TGFBRAP1: variants seen among roughly 807,000 people sequenced by gnomAD.
The protein encoded by TGFBRAP1 is transforming growth factor beta receptor associated protein 1.
Under a neutral mutation model 83.2 loss-of-function variants are expected in TGFBRAP1, and 20 were observed. That is an observed-to-expected ratio of 0.24 (90% CI 0.17 to 0.35). The LOEUF (loss-of-function observed/expected upper bound fraction) is 0.35. Among genes scored for constraint, TGFBRAP1 ranks in the 10% least tolerant of loss-of-function variants. The probability of loss-of-function intolerance (pLI) is 1.00; values close to 1 mark genes in which losing one functional copy is unlikely to be tolerated. For synonymous variants in TGFBRAP1, 415 were observed against 459.8 expected, an observed-to-expected ratio of 0.90 and a Z score of 1.25; for missense variants, 950 against 1,099.4, an observed-to-expected ratio of 0.86 and a Z score of 1.92.
intron 1 of TGFBRAP1, among the ~76,000 whole-genome samples, chr2:105,312,900 T>G (rs1023251726): frequency 2.0e-5 from 3 of 152,118 alleles, no homozygotes; most frequent in African/African-American, 7.2e-5. Context: ...CCACCTGAGG[T>G]CAGGAGTTCG....
At chr2:105,314,864 C>T (rs905476450) in intron 1 of TGFBRAP1, among the ~76,000 whole-genome samples, 2 of 150,308 alleles carry the variant, frequency 1.3e-5, no homozygotes, top group Non-Finnish European at 3.0e-5. Flanking sequence ...GCAGGAGAAT[C>T]GCTTGGACCC....
At chr2:105,328,898 T>A (rs1167165018) in intron 1 of TGFBRAP1, among the ~76,000 whole-genome samples, 1 of 152,156 alleles carries the variant, frequency 6.6e-6, no homozygotes, top group Non-Finnish European at 1.5e-5. Context: ...ACAGCTTCCG[T>A]GTTTAAGGAT....
Position 105,296,280 on chromosome 2 carries a change from A to G in TGFBRAP1, c.1038+76T>C, listed in dbSNP as rs116514566. On this transcript the variant is annotated intron_variant, in intron 4 of 11. Coordinates refer to ENST00000393359, the MANE Select transcript of TGFBRAP1 (RefSeq NM_004257.6). ...ACAGCCCGGTACACAGGAAGGGCCG[A>G]TGCATGTTAGTTAAATCTGAATGTC... is the stretch of plus-strand genomic sequence containing the variant. 4.0e-4 allele frequency: 634 copies of G among 1,569,802 alleles called. 4 individuals are homozygous for G. In the African/African-American group the frequency reaches 8.1e-3, roughly 20 times the overall value.
At chr2:105,311,771 T>C (rs979985903) in intron 1 of TGFBRAP1, among the ~76,000 whole-genome samples, 7 of 151,852 alleles carry the variant, frequency 4.6e-5, no homozygotes, top group African/African-American at 1.5e-4. Flanking sequence ...TAGCCAGGCA[T>C]GGTGGCGGGC....
At chr2:105,326,534 A>G (rs1558659624) in intron 1 of TGFBRAP1, among the ~76,000 whole-genome samples, 1 of 152,200 alleles carries the variant, frequency 6.6e-6, no homozygotes, top group South Asian at 2.1e-4. Flanking sequence ...CCTGGGCAAC[A>G]TGGTGAAACT....
At position 105,269,644 on chromosome 2, in the gene TGFBRAP1, C is replaced by T. The variant is rs1413133763; in HGVS notation, c.2034G>A (p.Glu678=). 1 of 1,592,338 alleles carries T rather than the reference C, an allele frequency of 6.3e-7. No individual in the cohort carries two copies. The highest frequency in any genetic ancestry group is 2.2e-5 in the East Asian group (1 of 44,458). The change falls in exon 11 of 12, where the codon GAG becomes GAA. Residue 678 remains glutamate (E), a synonymous_variant. Transcript: ENST00000393359. This position sits in a 1 kb window ranked among gnomAD's most constrained non-coding sequence, Gnocchi z 4.1. ...CCAGGATATGCAGCGCCTTCTCATG[C>T]TCGCCCAGCTTCCCGTGCAGGATGG... is the stretch of plus-strand genomic sequence containing the variant. ...ESAILHGKLG[E]HEKALHILVH...
chr2:105,284,416 T>C lies in TGFBRAP1; in HGVS notation c.1039-18A>G, dbSNP rs768442847. On this transcript the variant is annotated intron_variant, in intron 4 of 11. Transcript: ENST00000393359. ...TACATTACCTGCAAGGAAAGACGGGTGTAATCTCTTAGTGAATCTTGAAAC... is the reference window on the plus strand; with the variant it reads ...TACATTACCTGCAAGGAAAGACGGGCGTAATCTCTTAGTGAATCTTGAAAC... 2 of 1,611,902 alleles carry C rather than the reference T, an allele frequency of 1.2e-6. No homozygotes were observed. Among genetic ancestry groups the C allele is most frequent in the Admixed American group, 3.3e-5 (2 of 59,990 alleles).
chr2:105,322,009 G>A (rs1174429870), intron 1 of TGFBRAP1, among the ~76,000 whole-genome samples: 1 of 152,136 alleles, frequency 6.6e-6, no homozygotes, highest in Non-Finnish European at 1.5e-5. Flanking sequence ...GACTCCAGAA[G>A]AAGAAATTGT....
At position 105,265,115 on chromosome 2, in the gene TGFBRAP1, C is replaced by T. The variant is rs1481238329; in HGVS notation, c.*2268G>A. 1 of 152,204 alleles carries T rather than the reference C, an allele frequency of 6.6e-6. No homozygotes were observed. Among genetic ancestry groups the T allele is most frequent in the Non-Finnish European group, 1.5e-5 (1 of 68,046 alleles). 9.4% of individuals were successfully genotyped at this position (152,204 alleles called of 1,614,324 possible). ...TGGAAAACTGCTCAACTTTAATTCC[C>T]ATTATTCTAAAGGATGACAAACATT... On this transcript the variant is annotated 3_prime_UTR_variant, in exon 12 of 12. Coordinates refer to ENST00000393359, the MANE Select transcript of TGFBRAP1 (RefSeq NM_004257.6).
chr2:105,316,462 T>TGTGC (rs1177329674), intron 1 of TGFBRAP1, among the ~76,000 whole-genome samples: 1,066 of 84,656 alleles, frequency 0.013, 9 homozygotes, highest in East Asian at 0.026. Flanking sequence ...TGTGTGTGTG[T>TGTGC]GCGCGCGCGC....
chr2:105,276,343 G>C (rs1420419084), intron 7 of TGFBRAP1, among the ~76,000 whole-genome samples: 1 of 152,168 alleles, frequency 6.6e-6, no homozygotes, highest in Non-Finnish European at 1.5e-5. Context: ...GGGTAGAAAG[G>C]ATGACGGTTG....
At chr2:105,315,125 T>C (rs1678814604) in intron 1 of TGFBRAP1, among the ~76,000 whole-genome samples, 1 of 151,966 alleles carries the variant, frequency 6.6e-6, no homozygotes, top group South Asian at 2.1e-4. Context: ...AATTAGATAC[T>C]TAAAAAAAAC....
At chr2:105,257,809 C>T in the TGFBRAP1 span, among the ~76,000 whole-genome samples, 114 of 152,290 alleles carry the variant, frequency 7.5e-4, no homozygotes, top group African/African-American at 2.6e-3. Flanking sequence ...TGGGTCCAGA[C>T]AGACCAACAA....
chr2:105,272,866 T>C lies in TGFBRAP1; in HGVS notation c.1961A>G (p.His654Arg). ...LLQKSDLYRV[H>R]FLLERLQGAG... ...GAGATCATCCTCACCGAGAAGAAAG[T>C]GGACTCGGTATAAATCAGATTTCTG... is the stretch of plus-strand genomic sequence containing the variant. The change falls in exon 10 of 12, where the codon CAC becomes CGC. Residue 654 changes from histidine (H) to arginine (R), a missense_variant. His to Arg is a conservative substitution (Grantham distance 29, BLOSUM62 0). Transcript: ENST00000393359. 2 of 1,606,968 alleles carry C rather than the reference T, an allele frequency of 1.2e-6. No individual in the cohort carries two copies. The highest frequency in any genetic ancestry group is 2.2e-5 in the South Asian group (2 of 90,956).
intron 5 of TGFBRAP1, among the ~76,000 whole-genome samples, chr2:105,283,046 G>C (rs1677596817): frequency 6.6e-6 from 1 of 152,194 alleles, no homozygotes; most frequent in South Asian, 2.1e-4. Context: ...ATAAGAGAAA[G>C]AAGACACCTT....
intron 1 of TGFBRAP1, among the ~76,000 whole-genome samples, chr2:105,316,460 TGTGCGC>T (rs1369009523): frequency 1.9e-4 from 13 of 66,928 alleles, no homozygotes; most frequent in East Asian, 1.2e-3. Flanking sequence ...TGTGTGTGTG[TGTGCGC>T]GCGCGCGCGC....
rs1195388360 is a variant in TGFBRAP1, at chr2:105,272,877, T to A, written c.1950A>T (p.Leu650Phe). The A allele has an allele frequency of 6.2e-7, 1 of 1,608,780 alleles. No homozygotes were observed. The highest frequency in any genetic ancestry group is 1.1e-5 in the South Asian group (1 of 90,996). ...KLRRLLQKSD[L>F]YRVHFLLERL... Reference sequence around the variant, plus strand: ...CACCGAGAAGAAAGTGGACTCGGTATAAATCAGATTTCTGGAGCAGCCGCC... The same window carrying A: ...CACCGAGAAGAAAGTGGACTCGGTAAAAATCAGATTTCTGGAGCAGCCGCC... The change falls in exon 10 of 12, where the codon TTA becomes TTT. Residue 650 changes from leucine (L) to phenylalanine (F), a missense_variant. By Grantham distance (22) the Leu-to-Phe change is conservative. Transcript: ENST00000393359.
At position 105,328,464 on chromosome 2, in the gene TGFBRAP1, T is replaced by C. The variant is rs1679282073; in HGVS notation, c.-18+1161A>G. Among the ~76,000 whole-genome samples, 3 of 152,324 alleles carry C rather than the reference T, an allele frequency of 2.0e-5. No homozygotes were observed. In the South Asian group the frequency reaches 6.2e-4, roughly 32 times the overall value. On this transcript the variant is annotated intron_variant, in intron 1 of 11. Transcript: ENST00000393359. ...ACCAAATGTTCCTTCTGACTGACCA[T>C]GGAACTGCGAGCTCTCAGTTGTCTG...
At chr2:105,293,176 G>T (rs1273174160) in intron 4 of TGFBRAP1, among the ~76,000 whole-genome samples, 1 of 151,812 alleles carries the variant, frequency 6.6e-6, no homozygotes, top group East Asian at 1.9e-4. Context: ...GTTTTTAGAT[G>T]AAATGGAAAA....
Sources: allele counts gnomAD v4.1 joint callset (sites outside exome capture counted in the v4.1 genomes callset), GRCh38; gene constraint gnomAD v4.1.1; non-coding constraint Gnocchi (gnomAD v3.1); transcripts MANE v1.5; gene names NCBI Gene and HGNC (gene_info 2026-07-23, HGNC 2026-07-21).